CENPP: variants seen among roughly 807,000 people sequenced by gnomAD.
The protein encoded by CENPP is centromere protein P.
In CENPP, 24 loss-of-function variants were observed where a neutral mutation model predicts 35.6. The ratio of observed to expected loss-of-function variants is 0.67; its 90% confidence interval spans 0.49 to 0.95. The LOEUF (loss-of-function observed/expected upper bound fraction) is 0.95. Ranked by LOEUF, CENPP falls within the 40% of genes least tolerant of loss-of-function variation. CENPP has a pLI of 0.00. For missense variants in CENPP, 332 were observed against 345.3 expected, an observed-to-expected ratio of 0.96 and a Z score of 0.31; for synonymous variants, 120 against 125.5, an observed-to-expected ratio of 0.96 and a Z score of 0.29.
intron 5 of CENPP, among the ~76,000 whole-genome samples, chr9:92,432,152 C>T (rs369228215): frequency 2.6e-5 from 4 of 152,110 alleles, no homozygotes; most frequent in Admixed American, 1.3e-4. Flanking sequence ...TGGCAAAACC[C>T]GGTCTCTACT....
chr9:92,616,071 G>T lies in CENPP; in HGVS notation c.*2922G>T, dbSNP rs2274413. 2 of 1,595,838 alleles carry T rather than the reference G, an allele frequency of 1.3e-6. No individual in the cohort carries two copies. Among genetic ancestry groups the T allele is most frequent in the South Asian group, 2.2e-5 (2 of 89,984 alleles). On this transcript the variant is annotated 3_prime_UTR_variant, in exon 8 of 8. Coordinates refer to ENST00000375587, the MANE Select transcript of CENPP (RefSeq NM_001012267.3). ...CTTTGATCAGAGCTGCAAGTAAAAA[G>T]TACCATTTCAGGATACACAAGCCCC...
chr9:92,386,307 A>C, intron 5 of CENPP: 1 of 1,569,412 alleles, frequency 6.4e-7, no homozygotes, highest in Non-Finnish European at 8.8e-7. Context: ...CTGTAAGGAA[A>C]ATTTCATGTG....
chr9:92,551,932 T>TATATATC (rs1554686251), intron 5 of CENPP, among the ~76,000 whole-genome samples: 11 of 88,120 alleles, frequency 1.2e-4, no homozygotes, highest in Non-Finnish European at 1.1e-4. Flanking sequence ...TGTGTATATA[T>TATATATC]ATATATATAT....
At chr9:92,603,567 A>G (rs117527966) in intron 5 of CENPP, among the ~76,000 whole-genome samples, 5,515 of 150,976 alleles carry the variant, frequency 0.037, 142 homozygotes, top group Middle Eastern at 0.075. Context: ...GCTGTTGCCC[A>G]CTCCCTCCTC....
intron 5 of CENPP, among the ~76,000 whole-genome samples, chr9:92,578,203 T>C (rs956991413): frequency 4.6e-5 from 7 of 152,132 alleles, no homozygotes; most frequent in Non-Finnish European, 7.4e-5. Flanking sequence ...CTATCATTGT[T>C]GGGCATTTGG....
intron 4 of CENPP, among the ~76,000 whole-genome samples, chr9:92,368,943 C>T (rs956622243): frequency 1.3e-5 from 2 of 152,116 alleles, no homozygotes; most frequent in Non-Finnish European, 2.9e-5. Context: ...GCTCAGGAGA[C>T]TGACATGGGA....
intron 5 of CENPP, chr9:92,460,669 T>C: frequency 1.5e-6 from 1 of 686,030 alleles, no homozygotes; most frequent in Non-Finnish European, 2.5e-6. Flanking sequence ...GGCAACTTTT[T>C]AGGCACTAAC....
At chr9:92,474,805 C>T (rs1289030778) in intron 5 of CENPP, 2 of 1,613,424 alleles carry the variant, frequency 1.2e-6, no homozygotes, top group African/African-American at 2.7e-5. Context: ...CCATATCCTT[C>T]AGCATCATAT....
chr9:92,585,563 TAC>T (rs1850520600), intron 5 of CENPP, among the ~76,000 whole-genome samples: 1 of 152,210 alleles, frequency 6.6e-6, no homozygotes, highest in Non-Finnish European at 1.5e-5. Flanking sequence ...AGCTTATGTT[TAC>T]AGTTTAAGAA....
At chr9:92,471,157 T>C (rs1333011037) in intron 5 of CENPP, among the ~76,000 whole-genome samples, 2 of 151,786 alleles carry the variant, frequency 1.3e-5, no homozygotes, top group East Asian at 3.8e-4. Flanking sequence ...CAGGCTGTTA[T>C]AGTGCTAAAT....
chr9:92,574,298 A>T (rs1283719140), intron 5 of CENPP, among the ~76,000 whole-genome samples: 1 of 152,146 alleles, frequency 6.6e-6, no homozygotes, highest in Non-Finnish European at 1.5e-5. Flanking sequence ...TGTGATCTAT[A>T]TGTAAAAAAC....
chr9:92,509,836 T>G (rs1475600570), intron 5 of CENPP: 1 of 1,481,540 alleles, frequency 6.7e-7, no homozygotes, highest in Admixed American at 2.7e-5. Flanking sequence ...AAATAAAATT[T>G]CTACAGGACT....
chr9:92,573,287 G>A (rs1850193865), intron 5 of CENPP, among the ~76,000 whole-genome samples: 1 of 152,134 alleles, frequency 6.6e-6, no homozygotes, highest in South Asian at 2.1e-4. Context: ...TGGTGTGGAT[G>A]TCCTTTCTGT....
At chr9:92,531,161 A>G (rs1324068729) in intron 5 of CENPP, among the ~76,000 whole-genome samples, 9 of 151,638 alleles carry the variant, frequency 5.9e-5, no homozygotes, top group Non-Finnish European at 1.0e-4. Context: ...TATACTTTCT[A>G]TTTGCTTTTT....
chr9:92,465,855 T>A (rs1429141276), intron 5 of CENPP, among the ~76,000 whole-genome samples: 3 of 150,780 alleles, frequency 2.0e-5, no homozygotes, highest in African/African-American at 4.9e-5. Flanking sequence ...TTTTTTGAGA[T>A]GGAGTTTCAT....
At chr9:92,387,984 G>A (rs980270963) in intron 5 of CENPP, among the ~76,000 whole-genome samples, 3 of 151,446 alleles carry the variant, frequency 2.0e-5, no homozygotes, top group East Asian at 2.0e-4. Context: ...GGCTGGTCTC[G>A]AACTCTTGAG....
chr9:92,485,688 T>G (rs1237767320), intron 5 of CENPP, among the ~76,000 whole-genome samples: 4 of 152,158 alleles, frequency 2.6e-5, no homozygotes, highest in African/African-American at 9.7e-5. Context: ...AATAAAAGAT[T>G]GATTGATTGA....
intron 5 of CENPP, among the ~76,000 whole-genome samples, chr9:92,582,299 C>T (rs1339308384): frequency 6.6e-6 from 1 of 152,178 alleles, no homozygotes; most frequent in Non-Finnish European, 1.5e-5. Context: ...CTCAGGTGAC[C>T]TGCCTGCCTT....
At chr9:92,596,488 G>T (rs1850787035) in intron 5 of CENPP, among the ~76,000 whole-genome samples, 1 of 145,908 alleles carries the variant, frequency 6.9e-6, no homozygotes, top group Non-Finnish European at 1.5e-5. Flanking sequence ...TAGAAAAATA[G>T]GTGGGAAGAA....
Sources: allele counts gnomAD v4.1 joint callset (sites outside exome capture counted in the v4.1 genomes callset), GRCh38; gene constraint gnomAD v4.1.1; transcripts MANE v1.5; gene names NCBI Gene and HGNC (gene_info 2026-07-23, HGNC 2026-07-21).